Variants in C2CD3 observed in about 807,000 individuals in gnomAD.
C2CD3 encodes C2 domain-containing protein 3.
A neutral mutation model predicts 234.0 loss-of-function variants in C2CD3; 148 were observed. That is an observed-to-expected ratio of 0.63 (90% CI 0.55 to 0.72). The LOEUF (loss-of-function observed/expected upper bound fraction) is 0.72, where lower values mean the gene tolerates loss of function less well. Among genes scored for constraint, C2CD3 ranks in the 30% least tolerant of loss-of-function variants. C2CD3 has a pLI of 0.00. For synonymous variants in C2CD3, 1,000 were observed against 1,035.4 expected (o/e 0.97, Z 0.66); for missense variants, 2,577 against 2,811.5 (o/e 0.92, Z 1.89).
At position 74,037,568 on chromosome 11, in the gene C2CD3, C is replaced by G. The variant is rs558272118; in HGVS notation, c.5791G>C (p.Gly1931Arg). The G allele has an allele frequency of 1.2e-6, 2 of 1,614,102 alleles. No individual in the cohort carries two copies. Among genetic ancestry groups the G allele is most frequent in the South Asian group, 2.2e-5 (2 of 91,078 alleles). The change falls in exon 30 of 33, where the codon GGG becomes CGG. Residue 1931 changes from glycine (G) to arginine (R), a missense_variant. By Grantham distance (125) the Gly-to-Arg change is moderately radical (BLOSUM62 -2). Coordinates refer to ENST00000334126, the MANE Select transcript of C2CD3 (RefSeq NM_001286577.2). The part of the protein sequence containing the change: ...QHQESCRDHL[G>R]PGASSLDPGS... ...GGGTCTAGGCTGCTGGCACCTGGCC[C>G]AAGATGGTCCCTACAGCTCTCCTGG...
chr11:74,044,890 TTC>T, intron 28 of C2CD3, among the ~76,000 whole-genome samples: 1 of 152,084 alleles, frequency 6.6e-6, no homozygotes, highest in East Asian at 1.9e-4. Flanking sequence ...CATGATTTTG[TTC>T]TTTTTTTTTT....
chr11:74,108,627 G>C (rs182056982), intron 12 of C2CD3, among the ~76,000 whole-genome samples: 3 of 152,162 alleles, frequency 2.0e-5, no homozygotes, highest in Admixed American at 6.5e-5. Flanking sequence ...TTCTTTAGAA[G>C]GGAACAGCAC....
At position 74,103,287 on chromosome 11, in the gene C2CD3, C is replaced by T; in HGVS notation, c.2424G>A (p.Leu808=). ...AATCTTTCCCATCTGGCACCATCAA[C>T]AGCACATGCAACAGCAAAGCACTCT... The part of the protein sequence containing the change: ...TKESALLLHV[L]LMVPDGKDFI... The change falls in exon 14 of 33, where the codon CTG becomes CTA. Residue 808 remains leucine, a synonymous_variant. Coordinates refer to ENST00000334126, the MANE Select transcript of C2CD3 (RefSeq NM_001286577.2). 6.2e-7 allele frequency: 1 copy of T among 1,614,198 alleles called. No homozygotes were observed. The highest frequency in any genetic ancestry group is 8.5e-7 in the Non-Finnish European group (1 of 1,180,022).
At chr11:74,139,543 C>T in intron 4 of C2CD3, 62 bp downstream of exon 4, 1 of 1,158,206 alleles carries the variant, frequency 8.6e-7, no homozygotes, top group Non-Finnish European at 1.3e-6. Context: ...AAATGAAAGA[C>T]AGAAATCACA....
At chr11:74,136,230 G>A (rs1957857981) in intron 5 of C2CD3, among the ~76,000 whole-genome samples, 1 of 152,090 alleles carries the variant, frequency 6.6e-6, no homozygotes, top group Admixed American at 6.6e-5. Context: ...ACAGTGATGT[G>A]GTCCCTCTCC....
chr11:74,057,472 G>A lies in C2CD3; in HGVS notation c.5024C>T (p.Ser1675Phe), dbSNP rs919805514. 5 of 1,614,092 alleles carry A rather than the reference G, an allele frequency of 3.1e-6. No homozygotes were observed. The highest frequency in any genetic ancestry group is 4.2e-6 in the Non-Finnish European group (5 of 1,179,922). ...CVSFATADES[S>F]PVYTQVVENT... Reference sequence around the variant, plus strand: ...TTCAACCACTTGGGTGTATACAGGAGATGACTCATCGGCTGTTGCAAAGGA... The same window carrying A: ...TTCAACCACTTGGGTGTATACAGGAAATGACTCATCGGCTGTTGCAAAGGA... Residue 1675 changes from serine (S) to phenylalanine (F), a missense_variant, in exon 25 of 33, where the codon TCT (serine) becomes TTT (phenylalanine). Coordinates refer to ENST00000334126, the MANE Select transcript of C2CD3 (RefSeq NM_001286577.2).
chr11:74,120,668 G>A (rs1957181996), intron 8 of C2CD3, among the ~76,000 whole-genome samples: 1 of 152,162 alleles, frequency 6.6e-6, no homozygotes, highest in African/African-American at 2.4e-5. Flanking sequence ...GGGTCAAATG[G>A]TAATTCTAGT....
intron 20 of C2CD3, among the ~76,000 whole-genome samples, chr11:74,089,100 C>T (rs980442575): frequency 1.3e-5 from 2 of 151,982 alleles, no homozygotes; most frequent in African/African-American, 2.4e-5. Context: ...GGGTATGCTA[C>T]CTTTTTTATT....
intron 28 of C2CD3, among the ~76,000 whole-genome samples, chr11:74,042,833 T>C (rs1194969206): frequency 6.6e-6 from 1 of 152,124 alleles, no homozygotes; most frequent in Non-Finnish European, 1.5e-5. Context: ...ACAATATATT[T>C]GGCGTCCTTA....
At chr11:74,063,880 G>T (rs1299271491) in intron 24 of C2CD3, among the ~76,000 whole-genome samples, 2 of 152,030 alleles carry the variant, frequency 1.3e-5, no homozygotes, top group African/African-American at 4.8e-5. Context: ...CATCGTCTCA[G>T]CCCAAAATCT....
chr11:74,039,229 A>T (rs1212428906), intron 29 of C2CD3, among the ~76,000 whole-genome samples: 1 of 152,070 alleles, frequency 6.6e-6, no homozygotes, highest in African/African-American at 2.4e-5. Flanking sequence ...GAACCATGGC[A>T]TGTCAACCTA....
chr11:74,116,849 T>C (rs1436665607), intron 9 of C2CD3, among the ~76,000 whole-genome samples: 1 of 138,360 alleles, frequency 7.2e-6, no homozygotes, highest in Non-Finnish European at 1.6e-5. Context: ...TATACACGTG[T>C]ATATGTGTAT....
In C2CD3 at chr11:74,033,450, C is replaced by T; in HGVS notation, c.6710G>A (p.Arg2237Lys). The T allele has an allele frequency of 6.5e-7, 1 of 1,536,170 alleles. No individual in the cohort carries two copies. Among genetic ancestry groups the T allele is most frequent in the Non-Finnish European group, 8.7e-7 (1 of 1,146,908 alleles). The change falls in exon 31 of 33, where the codon AGA (arginine) becomes AAA (lysine). Residue 2237 changes from arginine (R) to lysine (K), a missense_variant. Transcript: ENST00000334126. ...KLPLNLASQS[R>K]RENHKGPPID... ...GGGTGGTCCCTTATGGTTTTCCCTT[C>T]TGCTCTGGGAGGCTAGATTTAGCGG...
At chr11:74,101,651 T>C (rs1956320221) in intron 14 of C2CD3, among the ~76,000 whole-genome samples, 1 of 152,018 alleles carries the variant, frequency 6.6e-6, no homozygotes, top group African/African-American at 2.4e-5. Context: ...TGAGCAGGAG[T>C]TAACTGATAC....
intron 7 of C2CD3, among the ~76,000 whole-genome samples, chr11:74,126,032 A>G (rs1957402938): frequency 6.6e-6 from 1 of 152,198 alleles, no homozygotes; most frequent in South Asian, 2.1e-4. Context: ...ATAAATGTTC[A>G]GTAGAAGACA....
chr11:74,163,351 A>G (rs1249443834), intron 2 of C2CD3, among the ~76,000 whole-genome samples: 1 of 152,236 alleles, frequency 6.6e-6, no homozygotes, highest in Non-Finnish European at 1.5e-5. Context: ...AATGGTTGGT[A>G]AATGACTTTA....
At chr11:74,163,782 T>C (rs1856627976) in intron 2 of C2CD3, among the ~76,000 whole-genome samples, 1 of 152,140 alleles carries the variant, frequency 6.6e-6, no homozygotes, top group Admixed American at 6.6e-5. Flanking sequence ...ACACCACTCA[T>C]GGGGGTTATC....
intron 3 of C2CD3, among the ~76,000 whole-genome samples, chr11:74,159,890 G>T (rs1182539754): frequency 1.3e-5 from 2 of 151,794 alleles, no homozygotes; most frequent in Non-Finnish European, 2.9e-5. Flanking sequence ...ATCCATAACT[G>T]CTCTATATAG....
chr11:74,145,134 G>A (rs1025861276), intron 3 of C2CD3, among the ~76,000 whole-genome samples: 1 of 152,154 alleles, frequency 6.6e-6, no homozygotes, highest in African/African-American at 2.4e-5. Context: ...GATCTTTGAC[G>A]AATCGCCACA....
Sources: allele counts gnomAD v4.1 joint callset (sites outside exome capture counted in the v4.1 genomes callset), GRCh38; gene constraint gnomAD v4.1.1; transcripts MANE v1.5; gene names NCBI Gene and HGNC (gene_info 2026-07-23, HGNC 2026-07-21).